KCNB2: variants seen among roughly 807,000 people sequenced by gnomAD.
KCNB2 encodes the protein delayed rectifier potassium channel protein.
Under a neutral mutation model 61.5 loss-of-function variants are expected in KCNB2, and 15 were observed. The ratio of observed to expected loss-of-function variants is 0.24; its 90% CI spans 0.16 to 0.38. The LOEUF is 0.38. Among genes scored for constraint, KCNB2 ranks in the 10% least tolerant of loss-of-function variants. The probability of loss-of-function intolerance (pLI) is 1.00; values close to 1 mark genes in which losing one functional copy is unlikely to be tolerated. For synonymous variants in KCNB2, 457 were observed against 446.0 expected (o/e 1.02, Z -0.31); for missense variants, 828 against 1,125.2 (o/e 0.74, Z 3.78).
intron 2 of KCNB2, among the ~76,000 whole-genome samples, chr8:72,884,504 T>G (rs1461527447): frequency 6.6e-6 from 1 of 152,210 alleles, no homozygotes; most frequent in East Asian, 1.9e-4. Context: ...ATGCTTTTTA[T>G]GTCTTGTTTA....
At chr8:72,801,742 A>T (rs1266954015) in intron 2 of KCNB2, among the ~76,000 whole-genome samples, 1 of 152,076 alleles carries the variant, frequency 6.6e-6, no homozygotes, top group Non-Finnish European at 1.5e-5. Context: ...CACATCTGAG[A>T]AGGTGTCTGC....
intron 2 of KCNB2, among the ~76,000 whole-genome samples, chr8:72,756,842 G>GGATACCTCT (rs1808298527): frequency 6.6e-6 from 1 of 152,150 alleles, no homozygotes; most frequent in African/African-American, 2.4e-5. Context: ...GGGAGTCAAA[G>GGATACCTCT]AGGGGTCTAG....
chr8:72,828,063 TCAGCCTC>T (rs1370171680), intron 2 of KCNB2, among the ~76,000 whole-genome samples: 1 of 152,176 alleles, frequency 6.6e-6, no homozygotes, highest in Non-Finnish European at 1.5e-5. Context: ...TCCACTTGCC[TCAGCCTC>T]CCAAACTGCT....
At chr8:72,798,470 G>T (rs111775122) in intron 2 of KCNB2, among the ~76,000 whole-genome samples, 1 of 152,140 alleles carries the variant, frequency 6.6e-6, no homozygotes, top group Non-Finnish European at 1.5e-5. Flanking sequence ...CTAAGTGCTT[G>T]TGAAAGTGGC....
At chr8:72,580,075 G>C (rs1363781696) in intron 2 of KCNB2, among the ~76,000 whole-genome samples, 3 of 152,130 alleles carry the variant, frequency 2.0e-5, no homozygotes, top group Non-Finnish European at 4.4e-5. Context: ...TTTCTGTAAA[G>C]GGCCAGAGAG....
At chr8:72,719,321 T>C (rs1191960349) in intron 2 of KCNB2, among the ~76,000 whole-genome samples, 1 of 152,154 alleles carries the variant, frequency 6.6e-6, no homozygotes, top group African/African-American at 2.4e-5. Context: ...GTGGAAGCAC[T>C]GGGAAGATAT....
At chr8:72,726,852 G>C (rs1002182316) in intron 2 of KCNB2, among the ~76,000 whole-genome samples, 4 of 148,782 alleles carry the variant, frequency 2.7e-5, no homozygotes, top group Non-Finnish European at 5.9e-5. Flanking sequence ...GTACCTTCAG[G>C]AGGTACCTTC....
intron 2 of KCNB2, among the ~76,000 whole-genome samples, chr8:72,695,407 A>G (rs1311819620): frequency 6.6e-6 from 1 of 152,222 alleles, no homozygotes; most frequent in Non-Finnish European, 1.5e-5. Flanking sequence ...CTTCAAAATT[A>G]GGGACCAGGT....
chr8:72,881,806 C>T (rs925176730), intron 2 of KCNB2: 1 of 151,780 alleles, frequency 6.6e-6, no homozygotes, highest in Non-Finnish European at 1.5e-5. Context: ...TTTCCTCTCC[C>T]TGGCTGTCCC....
intron 2 of KCNB2, among the ~76,000 whole-genome samples, chr8:72,748,552 T>TA (rs959064363): frequency 2.0e-5 from 3 of 151,594 alleles, no homozygotes; most frequent in African/African-American, 4.8e-5. Context: ...AGTAAATTAA[T>TA]ATTTTTCCAA....
At chr8:72,800,680 A>G (rs562765394) in intron 2 of KCNB2, among the ~76,000 whole-genome samples, 44 of 152,040 alleles carry the variant, frequency 2.9e-4, no homozygotes, top group Admixed American at 2.7e-3. Context: ...CACAATCTTT[A>G]CTATCTTTTT....
chr8:72,640,670 A>G lies in KCNB2; in HGVS notation c.579+72357A>G, dbSNP rs193017501. Reference sequence around the variant, plus strand: ...AATAGGAGACTATAAGAAAGTCTGCAAAGTGACTCATGATAAAAAAAATAT... The same window carrying G: ...AATAGGAGACTATAAGAAAGTCTGCGAAGTGACTCATGATAAAAAAAATAT... On this transcript the variant is annotated intron_variant, in intron 2 of 2. Transcript: ENST00000523207. Among the ~76,000 whole-genome samples, 11 of 152,248 alleles carry G rather than the reference A, an allele frequency of 7.2e-5. No individual in the cohort carries two copies. The East Asian group carries it at 2.1e-3, about 29-fold the overall frequency.
intron 2 of KCNB2, among the ~76,000 whole-genome samples, chr8:72,698,054 A>G (rs1807046169): frequency 6.6e-6 from 1 of 152,128 alleles, no homozygotes; most frequent in African/African-American, 2.4e-5. Context: ...ATAGGAAAGG[A>G]AGAAGTCAAA....
At chr8:72,675,717 C>G (rs905478020) in intron 2 of KCNB2, among the ~76,000 whole-genome samples, 3 of 152,004 alleles carry the variant, frequency 2.0e-5, no homozygotes, top group African/African-American at 7.3e-5. Flanking sequence ...CCACACTCGG[C>G]TGATTTTTGT....
intron 2 of KCNB2, among the ~76,000 whole-genome samples, chr8:72,772,324 C>A (rs1039797556): frequency 6.6e-6 from 1 of 152,222 alleles, no homozygotes; most frequent in Admixed American, 6.5e-5. Flanking sequence ...TCCTGTACAT[C>A]ATAGGCTGCA....
intron 2 of KCNB2, among the ~76,000 whole-genome samples, chr8:72,848,970 A>G (rs1474096615): frequency 6.6e-6 from 1 of 151,000 alleles, no homozygotes; most frequent in East Asian, 1.9e-4. Flanking sequence ...AAACTTTTAT[A>G]TCTAATATTC....
At chr8:72,616,339 G>A (rs1227114203) in intron 2 of KCNB2, among the ~76,000 whole-genome samples, 1 of 152,188 alleles carries the variant, frequency 6.6e-6, no homozygotes, top group African/African-American at 2.4e-5. Context: ...GCTAGTGGAA[G>A]CTAACAACAA....
At chr8:72,849,404 T>C (rs1461690069) in intron 2 of KCNB2, among the ~76,000 whole-genome samples, 1 of 152,190 alleles carries the variant, frequency 6.6e-6, no homozygotes, top group Non-Finnish European at 1.5e-5. Flanking sequence ...AGTCACCCTA[T>C]AGTGTAAAGA....
intron 2 of KCNB2, among the ~76,000 whole-genome samples, chr8:72,907,625 C>T (rs1451505120): frequency 6.6e-6 from 1 of 152,174 alleles, no homozygotes; most frequent in East Asian, 1.9e-4. Context: ...TTTGGATTCT[C>T]TAACACAAAA....
Sources: allele counts gnomAD v4.1 joint callset (sites outside exome capture counted in the v4.1 genomes callset), GRCh38; gene constraint gnomAD v4.1.1; transcripts MANE v1.5; gene names NCBI Gene and HGNC (gene_info 2026-07-23, HGNC 2026-07-21).